The following CHD1 variants were observed in gnomAD, a reference collection of about 807,000 sequenced individuals.
CHD1 encodes the protein ATP-dependent chromatin remodeler CHD1.
A neutral mutation model predicts 224.2 loss-of-function variants in CHD1; 36 were observed. The observed-to-expected ratio is 0.16, with a 90% CI of 0.12 to 0.21. The LOEUF (loss-of-function observed/expected upper bound fraction) is 0.21, where lower values mean the gene tolerates loss of function less well. Ranked by LOEUF, CHD1 falls within the 10% of genes least tolerant of loss-of-function variation. The pLI is 1.00. For synonymous variants in CHD1, 668 were observed against 658.3 expected, an observed-to-expected ratio of 1.01 and a Z score of -0.23; for missense variants, 1,378 against 1,994.8, an observed-to-expected ratio of 0.69 and a Z score of 5.89.
At chr5:98,879,475 C>A (rs1750009103) in intron 23 of CHD1, 77 bp downstream of exon 23, 5 of 1,309,348 alleles carry the variant, frequency 3.8e-6, no homozygotes, top group Non-Finnish European at 2.1e-6. Flanking sequence ...TGGACTGATA[C>A]CTCGTAGAAA....
intron 11 of CHD1, 49 bp downstream of exon 11, chr5:98,897,144 G>A (rs776102472): frequency 6.4e-7 from 1 of 1,560,968 alleles, no homozygotes; most frequent in South Asian, 1.1e-5. Context: ...TCCTGTATTG[G>A]TAAATTCTTA....
intron 7 of CHD1, among the ~76,000 whole-genome samples, chr5:98,900,367 A>C (rs1307396702): frequency 6.6e-6 from 1 of 152,024 alleles, no homozygotes; most frequent in Non-Finnish European, 1.5e-5. Context: ...TTTATAAAAC[A>C]TAAGTAAAAC....
In CHD1 at chr5:98,896,134, G is replaced by C. The variant is rs996876367; in HGVS notation, c.1710+92C>G. 8.6e-5 allele frequency: 92 copies of C among 1,073,544 alleles called. 2 individuals carry two copies. In the South Asian group the frequency reaches 1.2e-3, roughly 14 times the overall value. The allele number at this position is 1,073,544 out of a possible 1,614,324, so 66.5% of individuals were successfully genotyped here. A position where few individuals can be genotyped will look rare whatever the true frequency, so the allele number is the denominator to read the frequency against. ...CATACCACTGCACTCCAGCCTGGGAGACAGAGTGAAACCCCATCTCAAAAC... is the reference window on the plus strand; with the variant it reads ...CATACCACTGCACTCCAGCCTGGGACACAGAGTGAAACCCCATCTCAAAAC... On this transcript the variant is annotated intron_variant, in intron 12 of 35. Coordinates refer to ENST00000614616, the MANE Select transcript of CHD1 (RefSeq NM_001270.4).
chr5:98,911,130 G>GAAAAA (rs11451331), intron 2 of CHD1, among the ~76,000 whole-genome samples: 10 of 44,036 alleles, frequency 2.3e-4, no homozygotes, highest in African/African-American at 8.9e-4. Flanking sequence ...GTGCTAAAAT[G>GAAAAA]AAAAAAAAAA....
At chr5:98,922,981 T>G (rs1398111006) in intron 2 of CHD1, among the ~76,000 whole-genome samples, 1 of 149,690 alleles carries the variant, frequency 6.7e-6, no homozygotes, top group Non-Finnish European at 1.5e-5. Context: ...AGAGCAAGAC[T>G]CTGGCTCAAA....
At chr5:98,915,395 G>A (rs1043279333) in intron 2 of CHD1, among the ~76,000 whole-genome samples, 1 of 151,834 alleles carries the variant, frequency 6.6e-6, no homozygotes, top group Non-Finnish European at 1.5e-5. Flanking sequence ...TGTTAAAAGT[G>A]GAGAGATACT....
intron 17 of CHD1, among the ~76,000 whole-genome samples, chr5:98,886,921 T>C (rs1160439252): frequency 6.6e-6 from 1 of 152,096 alleles, no homozygotes; most frequent in Non-Finnish European, 1.5e-5. Flanking sequence ...CACTCAAAAT[T>C]AGTCAAACTA....
At chr5:98,880,185 A>G (rs997776284) in intron 22 of CHD1, among the ~76,000 whole-genome samples, 6 of 152,228 alleles carry the variant, frequency 3.9e-5, no homozygotes, top group African/African-American at 1.2e-4. Flanking sequence ...TGAGGATTAC[A>G]TAAGATAGCA....
Position 98,901,093 on chromosome 5 carries a change from G to C in CHD1, c.588-11C>G. On this transcript the variant is annotated splice_polypyrimidine_tract_variant and intron_variant, in intron 6 of 35. Transcript: ENST00000614616. Reference sequence around the variant, plus strand: ...TTTTTTGACTTAGATCTAGGAAAGTGCAAAGAGAAAAAAAAACAAGATTTG... The same window carrying C: ...TTTTTTGACTTAGATCTAGGAAAGTCCAAAGAGAAAAAAAAACAAGATTTG... 1.3e-6 allele frequency: 2 copies of C among 1,569,208 alleles called. No homozygotes were observed. The highest frequency in any genetic ancestry group is 1.7e-6 in the Non-Finnish European group (2 of 1,164,254).
intron 2 of CHD1, among the ~76,000 whole-genome samples, chr5:98,912,879 A>G (rs1002899733): frequency 1.2e-4 from 18 of 152,150 alleles, no homozygotes; most frequent in Admixed American, 3.3e-4. Flanking sequence ...CTTAGCACAT[A>G]AAGATTTTCT....
intron 2 of CHD1, among the ~76,000 whole-genome samples, chr5:98,909,712 G>C (rs1752268873): frequency 6.6e-6 from 1 of 152,100 alleles, no homozygotes; most frequent in Non-Finnish European, 1.5e-5. Flanking sequence ...TTATTTACCA[G>C]TTTTCAAAAT....
At chr5:98,861,059 A>C (rs1202353033) in intron 32 of CHD1, among the ~76,000 whole-genome samples, 2 of 152,188 alleles carry the variant, frequency 1.3e-5, no homozygotes, top group Non-Finnish European at 2.9e-5. Context: ...TCTTAATTAT[A>C]TCATCCGAAT....
chr5:98,869,481 A>C (rs1749149091), intron 30 of CHD1: 1 of 352,758 alleles, frequency 2.8e-6, no homozygotes, highest in Non-Finnish European at 4.9e-6. Flanking sequence ...AAGAGACAGA[A>C]GCTCATCAAA....
chr5:98,893,940 A>C (rs1335938917), intron 13 of CHD1, among the ~76,000 whole-genome samples: 1 of 152,138 alleles, frequency 6.6e-6, no homozygotes, highest in Non-Finnish European at 1.5e-5. Context: ...ATTAATGTCA[A>C]TATGAAAAAA....
chr5:98,909,415 G>A (rs1183939499), intron 2 of CHD1, among the ~76,000 whole-genome samples: 1 of 152,044 alleles, frequency 6.6e-6, no homozygotes, highest in Non-Finnish European at 1.5e-5. Context: ...TTAATGTTTT[G>A]TTGTTTTCTT....
chr5:98,866,400 G>A (rs1359502050), intron 31 of CHD1, among the ~76,000 whole-genome samples: 2 of 152,152 alleles, frequency 1.3e-5, no homozygotes, highest in African/African-American at 4.8e-5. Flanking sequence ...AGGGCATGTT[G>A]TGGAATCAGT....
chr5:98,897,161 C>A, intron 11 of CHD1, 32 bp downstream of exon 11: 1 of 1,596,532 alleles, frequency 6.3e-7, no homozygotes, highest in Non-Finnish European at 8.5e-7. Context: ...CTTACTCTGT[C>A]AAATTAAATA....
chr5:98,869,354 ATT>A, intron 30 of CHD1: 1 of 680,582 alleles, frequency 1.5e-6, no homozygotes, highest in South Asian at 6.4e-5. Context: ...ATGACTACAG[ATT>A]GCATGTATGT....
At chr5:98,861,745 G>A (rs1032566465) in intron 32 of CHD1, among the ~76,000 whole-genome samples, 9 of 150,666 alleles carry the variant, frequency 6.0e-5, no homozygotes, top group African/African-American at 4.9e-5. Context: ...CTTGTGATGC[G>A]CCCACCTTGG....
Sources: gnomAD v4.1 joint callset for allele counts (sites outside exome capture counted in the v4.1 genomes callset) on GRCh38, gnomAD v4.1.1 for gene constraint, MANE v1.5 for transcripts, NCBI Gene and HGNC (gene_info 2026-07-23, HGNC 2026-07-21) for gene names.